ANKRD27: variants seen among roughly 807,000 people sequenced by gnomAD.
The protein encoded by ANKRD27 is ankyrin repeat domain-containing protein 27.
A neutral mutation model predicts 129.7 loss-of-function variants in ANKRD27; 112 were observed. That is an observed-to-expected ratio of 0.86 (90% CI 0.74 to 1.01). ANKRD27 has a LOEUF of 1.01. Among genes scored for constraint, ANKRD27 ranks in the 50% least tolerant of loss-of-function variants. The probability of loss-of-function intolerance (pLI) is 0.00; values close to 1 mark genes in which losing one functional copy is unlikely to be tolerated. For missense variants in ANKRD27, 1,258 were observed against 1,300.5 expected, an observed-to-expected ratio of 0.97 and a Z score of 0.50; for synonymous variants, 516 against 511.2, an observed-to-expected ratio of 1.01 and a Z score of -0.13.
rs1368602246 is a variant in ANKRD27, at chr19:32,622,564, T to C, written c.1685A>G (p.Asn562Ser). Residue 562 changes from asparagine (N) to serine (S), a missense_variant, in exon 18 of 29, where the codon AAT becomes AGT. Coordinates refer to ENST00000306065, the MANE Select transcript of ANKRD27 (RefSeq NM_032139.3). ...DVESCRLDIG[N>S]EKGDTPLHIA... ...GTGTAGAGGGGTGTCTCCTTTCTCA[T>C]TGCCAATGTCAAGTCTGCACGACTC... 30 of 1,613,882 alleles carry C rather than the reference T, an allele frequency of 1.9e-5. No homozygotes were observed. Among genetic ancestry groups the C allele is most frequent in the Non-Finnish European group, 2.5e-5 (29 of 1,180,012 alleles).
chr19:32,628,283 G>C (rs1294236258), intron 14 of ANKRD27, 118 bp from the exon 15 acceptor site: 3 of 777,392 alleles, frequency 3.9e-6, no homozygotes, highest in Non-Finnish European at 6.4e-6. Context: ...TGCCACCCAA[G>C]AGATGTGTGT....
intron 18 of ANKRD27, among the ~76,000 whole-genome samples, chr19:32,620,717 C>T (rs931569945): frequency 1.3e-5 from 2 of 151,760 alleles, no homozygotes; most frequent in African/African-American, 4.8e-5. Context: ...TGAAACTCCA[C>T]CTGTATAAAA....
At chr19:32,627,554 C>T (rs897164278) in intron 15 of ANKRD27, among the ~76,000 whole-genome samples, 1 of 151,900 alleles carries the variant, frequency 6.6e-6, no homozygotes, top group Non-Finnish European at 1.5e-5. Flanking sequence ...GTGACCACCA[C>T]AACAGGCTCA....
chr19:32,649,123 C>G (rs560513433), intron 3 of ANKRD27, among the ~76,000 whole-genome samples: 1 of 151,914 alleles, frequency 6.6e-6, no homozygotes, highest in Non-Finnish European at 1.5e-5. Context: ...CGCACCATCA[C>G]GCCTGGCTAA....
In ANKRD27 at chr19:32,644,480, C is replaced by T. The variant is rs753148149; in HGVS notation, c.371-1G>A. 8.1e-6 allele frequency: 13 copies of T among 1,612,822 alleles called. No individual in the cohort carries two copies. The South Asian group carries it at 1.2e-4, about 15-fold the overall frequency. On this transcript the variant is annotated splice_acceptor_variant, in intron 4 of 28. Transcript: ENST00000306065. LOFTEE classifies it high-confidence loss of function. The stretch of plus-strand genomic sequence containing the variant: ...GGATCTGAGGGTGCCAAAGGCTCTT[C>T]TGAAAAAGAAACAAACAGGTCAGGC...
At chr19:32,616,987 C>T (rs188008372) in intron 21 of ANKRD27, among the ~76,000 whole-genome samples, 3 of 152,158 alleles carry the variant, frequency 2.0e-5, no homozygotes, top group African/African-American at 7.2e-5. Flanking sequence ...CTCTGTGCCT[C>T]GGACATGGTC....
At chr19:32,602,798 G>A (rs1012624461) in intron 25 of ANKRD27, among the ~76,000 whole-genome samples, 1 of 152,014 alleles carries the variant, frequency 6.6e-6, no homozygotes, top group Non-Finnish European at 1.5e-5. Context: ...GCTGAGGTTG[G>A]AGGATCATCT....
chr19:32,635,012 T>G (rs2145291789), intron 12 of ANKRD27, among the ~76,000 whole-genome samples: 1 of 152,296 alleles, frequency 6.6e-6, no homozygotes, highest in East Asian at 1.9e-4. Flanking sequence ...CAATATTTTC[T>G]GAAATAAAAG....
chr19:32,671,314 T>A (rs1967866351), intron 1 of ANKRD27, among the ~76,000 whole-genome samples: 1 of 151,962 alleles, frequency 6.6e-6, no homozygotes, highest in Admixed American at 6.6e-5. Flanking sequence ...TAATCTCATA[T>A]GATCTGGTGC....
chr19:32,619,109 C>G, intron 20 of ANKRD27, 151 bp downstream of exon 20: 6 of 1,110,010 alleles, frequency 5.4e-6, no homozygotes, highest in Non-Finnish European at 7.7e-6. Context: ...CTTGAAGGCA[C>G]CAACCTCGGC....
intron 12 of ANKRD27, among the ~76,000 whole-genome samples, chr19:32,635,760 T>C (rs1967077006): frequency 6.6e-6 from 1 of 152,124 alleles, no homozygotes; most frequent in Middle Eastern, 3.4e-3. Flanking sequence ...TAAATCAGAC[T>C]TCAGAGAAGA....
intron 4 of ANKRD27, among the ~76,000 whole-genome samples, chr19:32,645,980 C>T (rs780300907): frequency 6.6e-6 from 1 of 151,510 alleles, no homozygotes; most frequent in Non-Finnish European, 1.5e-5. Flanking sequence ...CACCCAGGAT[C>T]GAGTACAGAG....
At chr19:32,632,771 GAAAACCCCC>G (rs1161979474) in intron 12 of ANKRD27, among the ~76,000 whole-genome samples, 1 of 152,088 alleles carries the variant, frequency 6.6e-6, no homozygotes, top group Non-Finnish European at 1.5e-5. Flanking sequence ...GCGGCTGCCA[GAAAACCCCC>G]AAACCCTGAC....
intron 13 of ANKRD27, among the ~76,000 whole-genome samples, chr19:32,629,323 GAGAGATGA>G (rs1966948289): frequency 6.6e-6 from 1 of 152,132 alleles, no homozygotes; most frequent in African/African-American, 2.4e-5. Flanking sequence ...AGTAGGTGAG[GAGAGATGA>G]AACAACTGCA....
chr19:32,649,736 A>G lies in ANKRD27; in HGVS notation c.159T>C (p.Phe53=). The G allele has an allele frequency of 6.2e-7, 1 of 1,614,162 alleles. No individual in the cohort carries two copies. The highest frequency in any genetic ancestry group is 1.1e-5 in the South Asian group (1 of 91,090). Reference sequence around the variant, plus strand: ...CCACAGGTATCAAAATGTAGGACTCAAACTGACAAGTAGACTGGATGCTGC... The same window carrying G: ...CCACAGGTATCAAAATGTAGGACTCGAACTGACAAGTAGACTGGATGCTGC... ...LSSSIQSTCQ[F]ESYILIPVEE... is the part of the protein sequence containing the mutation. The change falls in exon 3 of 29, where the codon TTT becomes TTC. Residue 53 remains phenylalanine (F), a synonymous_variant. Transcript: ENST00000306065.
At chr19:32,618,451 G>GAAAAAAAAAAAA (rs55674756) in intron 20 of ANKRD27, among the ~76,000 whole-genome samples, 1 of 100,324 alleles carries the variant, frequency 1.0e-5, no homozygotes, top group African/African-American at 3.9e-5. Context: ...GTCCCAAAAA[G>GAAAAAAAAAAAA]AAAAAAAAAA....
At chr19:32,609,634 T>C (rs948082835) in intron 22 of ANKRD27, among the ~76,000 whole-genome samples, 9 of 139,592 alleles carry the variant, frequency 6.4e-5, no homozygotes, top group African/African-American at 2.3e-4. Flanking sequence ...AGGTCACGGG[T>C]TGCCTGGGAG....
Position 32,631,436 on chromosome 19 carries a change from T to G in ANKRD27, c.1175A>C (p.Gln392Pro). The change falls in exon 13 of 29, where the codon CAG becomes CCG. Residue 392 changes from glutamine to proline, a missense_variant. Coordinates refer to ENST00000306065, the MANE Select transcript of ANKRD27 (RefSeq NM_032139.3). ...GCAGTCGGTGGGAGACGAAGTCATC[T>G]GAGAGAGTAAGCTCATTCTCTGCTT... ...FLKQRMSLLS[Q>P]MTSSPTDCLF... 2.5e-6 allele frequency: 4 copies of G among 1,614,132 alleles called. No homozygotes were observed. Among genetic ancestry groups the G allele is most frequent in the Non-Finnish European group, 3.4e-6 (4 of 1,180,030 alleles).
At chr19:32,606,328 AT>A in intron 23 of ANKRD27, among the ~76,000 whole-genome samples, 1 of 151,236 alleles carries the variant, frequency 6.6e-6, no homozygotes, top group East Asian at 2.0e-4. Flanking sequence ...AATTTTCTGT[AT>A]TTTCAGTAGA....
Sources: allele counts gnomAD v4.1 joint callset (sites outside exome capture counted in the v4.1 genomes callset), GRCh38; gene constraint gnomAD v4.1.1; transcripts MANE v1.5; gene names NCBI Gene and HGNC (gene_info 2026-07-23, HGNC 2026-07-21).